KDM3A: variants seen among roughly 807,000 people sequenced by gnomAD.
The protein encoded by KDM3A is lysine demethylase 3A, also known as lysine-specific demethylase 3A.
In KDM3A, 60 loss-of-function variants were observed where a neutral mutation model predicts 158.0. That is an observed-to-expected ratio of 0.38 (90% CI 0.31 to 0.47). The LOEUF (loss-of-function observed/expected upper bound fraction) is 0.47. Among genes scored for constraint, KDM3A ranks in the 20% least tolerant of loss-of-function variants. The pLI is 0.99. For synonymous variants in KDM3A, 608 were observed against 549.3 expected (o/e 1.11, Z -1.49); for missense variants, 1,319 against 1,574.3 (o/e 0.84, Z 2.74).
intron 8 of KDM3A, 91 bp downstream of exon 8, chr2:86,457,162 T>C (rs1054735334): frequency 5.8e-5 from 26 of 448,662 alleles, no homozygotes; most frequent in Admixed American, 4.6e-5. Flanking sequence ...TTTAATTATT[T>C]TTATTTTTTT....
intron 10 of KDM3A, 115 bp downstream of exon 10, chr2:86,466,998 A>C: frequency 1.2e-6 from 1 of 869,148 alleles, no homozygotes; most frequent in East Asian, 2.7e-5. Flanking sequence ...TAGTTTATAC[A>C]GTCAGAAAAG....
intron 2 of KDM3A, among the ~76,000 whole-genome samples, chr2:86,449,509 G>A (rs528959308): frequency 2.6e-4 from 40 of 152,212 alleles, no homozygotes; most frequent in African/African-American, 7.9e-4. Context: ...GTATGTAAAC[G>A]CCTGATAAGT....
intron 12 of KDM3A, among the ~76,000 whole-genome samples, chr2:86,476,246 A>T (rs913490842): frequency 1.3e-5 from 2 of 152,220 alleles, no homozygotes; most frequent in Admixed American, 6.5e-5. Context: ...TGCAATGTGG[A>T]AACACTTTTT....
chr2:86,437,757 TTTA>T (rs1341981326), upstream of KDM3A, among the ~76,000 whole-genome samples: 1 of 152,192 alleles, frequency 6.6e-6, no homozygotes, highest in African/African-American at 2.4e-5. Context: ...GATTACATGT[TTTA>T]TTATCATTAA....
At chr2:86,455,002 C>A in intron 4 of KDM3A, 83 bp from the exon 5 acceptor site, 1 of 740,178 alleles carries the variant, frequency 1.4e-6, no homozygotes, top group Non-Finnish European at 2.2e-6. Context: ...ATTTGATTAA[C>A]CAATTGAAAT....
At chr2:86,443,974 AT>A (rs1331157391) in intron 2 of KDM3A, among the ~76,000 whole-genome samples, 1 of 152,164 alleles carries the variant, frequency 6.6e-6, no homozygotes, top group Non-Finnish European at 1.5e-5. Context: ...TGGAAACAAG[AT>A]TTTATTTAAA....
intron 16 of KDM3A, among the ~76,000 whole-genome samples, chr2:86,481,256 G>GT (rs1232263198): frequency 6.6e-6 from 1 of 152,042 alleles, no homozygotes; most frequent in African/African-American, 2.4e-5. Flanking sequence ...TTTGTTTTGA[G>GT]TTTTTTTGAG....
intron 10 of KDM3A, among the ~76,000 whole-genome samples, chr2:86,469,204 A>G (rs963901365): frequency 6.6e-6 from 1 of 152,178 alleles, no homozygotes; most frequent in African/African-American, 2.4e-5. Flanking sequence ...CCTCTAAGGT[A>G]ATTATTGAAG....
At chr2:86,466,283 A>G in intron 9 of KDM3A, 89 bp from the exon 10 acceptor site, 1 of 1,325,012 alleles carries the variant, frequency 7.5e-7, no homozygotes, top group Non-Finnish European at 1.0e-6. Flanking sequence ...CATACTCGTT[A>G]CCTTAGGGAA....
Position 86,456,943 on chromosome 2 carries a change from A to G in KDM3A, c.755-40A>G, listed in dbSNP as rs752762993. The stretch of plus-strand genomic sequence containing the variant: ...TCCTCCGTTCTTCTCACATTAAGAG[A>G]AACAGGGAAGCCAACTTAACCTATT... On this transcript the variant is annotated intron_variant, in intron 7 of 25. Coordinates refer to ENST00000312912, the MANE Select transcript of KDM3A (RefSeq NM_018433.6). 10 of 1,574,292 alleles carry G rather than the reference A, an allele frequency of 6.4e-6. No homozygotes were observed. In the South Asian group the frequency reaches 1.1e-4, roughly 18 times the overall value.
chr2:86,481,881 T>C (rs1382340275), intron 16 of KDM3A, 49 bp from the exon 17 acceptor site: 1 of 1,443,148 alleles, frequency 6.9e-7, no homozygotes, highest in African/African-American at 1.4e-5. Context: ...TAATAAGGGA[T>C]TTGCCTTTCA....
intron 8 of KDM3A, among the ~76,000 whole-genome samples, chr2:86,462,166 G>T (rs922486896): frequency 6.6e-6 from 1 of 151,582 alleles, no homozygotes; most frequent in Non-Finnish European, 1.5e-5. Context: ...AAGATTTATT[G>T]GTTTATTGAT....
At chr2:86,459,322 T>G (rs1473956650) in intron 8 of KDM3A, among the ~76,000 whole-genome samples, 1 of 152,172 alleles carries the variant, frequency 6.6e-6, no homozygotes, top group Non-Finnish European at 1.5e-5. Flanking sequence ...AGCTGAGAGA[T>G]AAACAGGATA....
intron 8 of KDM3A, among the ~76,000 whole-genome samples, chr2:86,460,582 A>G (rs1672884899): frequency 6.6e-6 from 1 of 152,150 alleles, no homozygotes; most frequent in Non-Finnish European, 1.5e-5. Context: ...TGTCTTGATG[A>G]ATACTTTTGG....
At position 86,466,075 on chromosome 2, in the gene KDM3A, G is replaced by A. The variant is rs532057803; in HGVS notation, c.1008-297G>A. Among the ~76,000 whole-genome samples the A allele has an allele frequency of 4.6e-5, 7 of 152,226 alleles. No individual in the cohort carries two copies. The East Asian group carries it at 1.2e-3, about 25-fold the overall frequency. ...ATACAATATTTTGTTTTGAGGGAAA[G>A]CTAAGGTTCATTGTGCTGTGAGAAG... On this transcript the variant is annotated intron_variant, in intron 9 of 25. Transcript: ENST00000312912.
At position 86,456,427 on chromosome 2, in the gene KDM3A, T is replaced by TTC. The variant is rs1672699598; in HGVS notation, c.557-14_557-13insCT. 1 of 1,420,456 alleles carries TTC rather than the reference T, an allele frequency of 7.0e-7. No homozygotes were observed. Among genetic ancestry groups the TTC allele is most frequent in the African/African-American group, 1.5e-5 (1 of 66,944 alleles). 88.0% of individuals were successfully genotyped at this position (1,420,456 alleles called of 1,614,324 possible). On this transcript the variant is annotated splice_polypyrimidine_tract_variant and intron_variant, in intron 5 of 25. Transcript: ENST00000312912. ...CAAATTGCTCTAAGATTTTTTTTTT[T>TTC]TTTTTTTTTTTAAGGTGACAAAAAC...
chr2:86,451,399 G>A (rs776323864), intron 4 of KDM3A, among the ~76,000 whole-genome samples, 186 bp downstream of exon 4: 11 of 152,066 alleles, frequency 7.2e-5, no homozygotes, highest in Non-Finnish European at 1.3e-4. Flanking sequence ...TTGACCATAA[G>A]CCTTATTGAT....
In KDM3A at chr2:86,470,416, A is replaced by G; in HGVS notation, c.1724+8A>G. ...CTTCTTTCACTTCAGGAGGTGAGGC[A>G]TTTTGGGAAAAGTTCAGATAATCTG... On this transcript the variant is annotated splice_region_variant and intron_variant, in intron 11 of 25. Transcript: ENST00000312912. The G allele has an allele frequency of 6.2e-7, 1 of 1,612,920 alleles. No individual in the cohort carries two copies. Among genetic ancestry groups the G allele is most frequent in the Non-Finnish European group, 8.5e-7 (1 of 1,178,990 alleles).
intron 21 of KDM3A, among the ~76,000 whole-genome samples, chr2:86,486,419 A>T (rs1339994710): frequency 6.6e-6 from 1 of 152,194 alleles, no homozygotes; most frequent in Non-Finnish European, 1.5e-5. Context: ...GCTTTCTTTC[A>T]TCATCATTAT....
Sources: gnomAD v4.1 joint callset for allele counts (sites outside exome capture counted in the v4.1 genomes callset) on GRCh38, gnomAD v4.1.1 for gene constraint, MANE v1.5 for transcripts, NCBI Gene and HGNC (gene_info 2026-07-23, HGNC 2026-07-21) for gene names.